Variants in NCBP3 observed in about 807,000 individuals in gnomAD.
NCBP3 encodes the protein nuclear cap binding subunit 3, also known as nuclear cap-binding protein subunit 3.
NCBP3 carries 20 observed loss-of-function variants against 75.7 expected under a neutral mutation model. The ratio of observed to expected loss-of-function variants is 0.26; its 90% CI spans 0.19 to 0.38. The LOEUF is 0.38. Ranked by LOEUF, NCBP3 falls within the 10% of genes least tolerant of loss-of-function variation. The pLI is 1.00. For synonymous variants in NCBP3, 293 were observed against 290.5 expected (o/e 1.01, Z -0.09); for missense variants, 678 against 796.9 (o/e 0.85, Z 1.80).
chr17:3,813,240 T>C lies in NCBP3; in HGVS notation c.1667A>G (p.Lys556Arg). Residue 556 changes from lysine (K) to arginine (R), a missense_variant, in exon 13 of 13, where the codon AAA becomes AGA. Lys to Arg is a conservative substitution (Grantham distance 26). This residue lies in a region of NCBP3 where 365 missense variants were observed against 392.7 expected (regional missense o/e 0.93). Coordinates refer to ENST00000389005, the MANE Select transcript of NCBP3 (RefSeq NM_001114118.3). Reference sequence around the variant, plus strand: ...ATCCACTTTCTTCGTATTCTTTTCTTTGGTCTTGGGTGCAGATCCTAGGCG... The same window carrying C: ...ATCCACTTTCTTCGTATTCTTTTCTCTGGTCTTGGGTGCAGATCCTAGGCG... ...WTRLGSAPKTKEKNTKKVDHR... is the reference protein window; with the variant it reads ...WTRLGSAPKTREKNTKKVDHR... The C allele has an allele frequency of 1.2e-6, 2 of 1,614,248 alleles. No homozygotes were observed. The highest frequency in any genetic ancestry group is 1.1e-5 in the South Asian group (1 of 91,084).
chr17:3,813,005 T>A lies in NCBP3; in HGVS notation c.*39A>T. ...CTGCGCGCCCCACCCTGTGCAAGAA[T>A]GTCAGGCTTTAGGGCAGCTGCCATA... On this transcript the variant is annotated 3_prime_UTR_variant, in exon 13 of 13. Coordinates refer to ENST00000389005, the MANE Select transcript of NCBP3 (RefSeq NM_001114118.3). 1 of 1,612,526 alleles carries A rather than the reference T, an allele frequency of 6.2e-7. No homozygotes were observed. The highest frequency in any genetic ancestry group is 8.5e-7 in the Non-Finnish European group (1 of 1,179,188).
At chr17:3,833,397 C>T (rs2053918680) in intron 3 of NCBP3, among the ~76,000 whole-genome samples, 1 of 152,206 alleles carries the variant, frequency 6.6e-6, no homozygotes, top group Non-Finnish European at 1.5e-5. Context: ...GTGTGCACCA[C>T]TGCACCCAGC....
chr17:3,844,622 G>C (rs147069458), intron 1 of NCBP3, among the ~76,000 whole-genome samples: 1 of 152,296 alleles, frequency 6.6e-6, no homozygotes, highest in Non-Finnish European at 1.5e-5. Flanking sequence ...AGGCAGAGGC[G>C]GGCGGATCAC....
At chr17:3,828,836 G>A (rs2053830258) in intron 4 of NCBP3, among the ~76,000 whole-genome samples, 1 of 152,192 alleles carries the variant, frequency 6.6e-6, no homozygotes, top group South Asian at 2.1e-4. Context: ...CAGAGACACA[G>A]GCAGAGTCAG....
rs1049547778 is a variant in NCBP3 at position 3,808,755 on chromosome 17, G to C, written c.*4289C>G. 3.9e-5 allele frequency: 6 copies of C among 152,176 alleles called. No individual in the cohort carries two copies. Among genetic ancestry groups the C allele is most frequent in the African/African-American group, 1.4e-4 (6 of 41,414 alleles). 9.4% of individuals were successfully genotyped at this position (152,176 alleles called of 1,614,324 possible). A position where few individuals can be genotyped will look rare whatever the true frequency, so the allele number is the denominator to read the frequency against. ...ATGTATGTATGTATTTTTTGAGACA[G>C]GTCTTGCTCTGCTGCCCAGGCTGGA... On this transcript the variant is annotated 3_prime_UTR_variant, in exon 13 of 13. Coordinates refer to ENST00000389005, the MANE Select transcript of NCBP3 (RefSeq NM_001114118.3).
At chr17:3,826,892 G>A (rs1000508038) in intron 4 of NCBP3, among the ~76,000 whole-genome samples, 7 of 151,120 alleles carry the variant, frequency 4.6e-5, no homozygotes, top group South Asian at 2.1e-4. Flanking sequence ...GGGCGCCTGT[G>A]GTCCCAGCTA....
chr17:3,804,687 G>C lies in NCBP3; in HGVS notation c.*8357C>G, dbSNP rs2053318631. On this transcript the variant is annotated 3_prime_UTR_variant, in exon 13 of 13. Transcript: ENST00000389005. ...AGCCAGAAAGAGTGACGGCATTGCT[G>C]AGACCAGAGCCCAGGGCTGCAGAGC... is the stretch of plus-strand genomic sequence containing the variant. 1 of 152,366 alleles carries C rather than the reference G, an allele frequency of 6.6e-6. No individual in the cohort carries two copies. The highest frequency in any genetic ancestry group is 2.1e-4 in the South Asian group (1 of 4,838). The allele number at this position is 152,366 out of a possible 1,614,324, so 9.4% of individuals were successfully genotyped here. A position where few individuals can be genotyped will look rare whatever the true frequency, so the allele number is the denominator to read the frequency against.
intron 3 of NCBP3, 94 bp from the exon 4 acceptor site, chr17:3,829,462 A>C: frequency 2.2e-6 from 3 of 1,346,140 alleles, no homozygotes; most frequent in Admixed American, 2.6e-5. Context: ...AGACAACACG[A>C]GTTTAGAAAG....
intron 4 of NCBP3, among the ~76,000 whole-genome samples, chr17:3,828,286 T>C (rs2053822287): frequency 6.6e-6 from 1 of 152,232 alleles, no homozygotes; most frequent in African/African-American, 2.4e-5. Flanking sequence ...GTATTATTTA[T>C]AGTTGCTTTC....
intron 3 of NCBP3, among the ~76,000 whole-genome samples, chr17:3,838,661 G>T (rs1010561139): frequency 1.3e-5 from 2 of 152,210 alleles, no homozygotes; most frequent in African/African-American, 2.4e-5. Flanking sequence ...TAAGGGCAAG[G>T]CTCTAGAGTC....
At position 3,818,164 on chromosome 17, in the gene NCBP3, A is replaced by G. The variant is rs183797072; in HGVS notation, c.1310+99T>C. ...TAAACTCCTACAAGGGACTGAAATC[A>G]GAATAGATAAAAGATATTATAAAAT... On this transcript the variant is annotated intron_variant, in intron 10 of 12. Coordinates refer to ENST00000389005, the MANE Select transcript of NCBP3 (RefSeq NM_001114118.3). The surrounding 1 kb of genome is among the most constrained non-coding windows in gnomAD (Gnocchi z 4.7). The G allele has an allele frequency of 1.3e-3, 1,319 of 981,752 alleles. 7 individuals are homozygous for G. The African/African-American group carries it at 0.02, about 15-fold the overall frequency. 60.8% of individuals were successfully genotyped at this position (981,752 alleles called of 1,614,324 possible).
intron 3 of NCBP3, among the ~76,000 whole-genome samples, chr17:3,836,210 C>T (rs1015785510): frequency 6.6e-6 from 1 of 152,146 alleles, no homozygotes; most frequent in Non-Finnish European, 1.5e-5. Flanking sequence ...TCCTCACTTG[C>T]CCAAGAAGCT....
At chr17:3,819,183 T>C (rs1373278930) in intron 9 of NCBP3, among the ~76,000 whole-genome samples, 1 of 152,194 alleles carries the variant, frequency 6.6e-6, no homozygotes, top group Non-Finnish European at 1.5e-5. Context: ...AGGTAAGGCA[T>C]TCAGGCATGA....
At chr17:3,826,403 T>C (rs1327454640) in intron 4 of NCBP3, among the ~76,000 whole-genome samples, 188 bp from the exon 5 acceptor site, 1 of 151,990 alleles carries the variant, frequency 6.6e-6, no homozygotes, top group African/African-American at 2.4e-5. Flanking sequence ...CCCCAGTACT[T>C]TGGGAGGCCA....
At position 3,805,787 on chromosome 17, in the gene NCBP3, T is replaced by C. The variant is rs113364605; in HGVS notation, c.*7257A>G. 7,497 of 152,292 alleles carry C rather than the reference T, an allele frequency of 0.049. 272 individuals carry two copies. Among genetic ancestry groups the C allele is most frequent in the Admixed American group, 0.095 (1,453 of 15,284 alleles). 9.4% of individuals were successfully genotyped at this position (152,292 alleles called of 1,614,324 possible). ...AGAGCAAGGATCCTTGAACACGCGT[T>C]AGCACTAGAAGGAAACTGGAGCTCA... On this transcript the variant is annotated 3_prime_UTR_variant, in exon 13 of 13. Transcript: ENST00000389005.
At chr17:3,837,678 G>A (rs1412264190) in intron 3 of NCBP3, among the ~76,000 whole-genome samples, 1 of 149,538 alleles carries the variant, frequency 6.7e-6, no homozygotes, top group Non-Finnish European at 1.5e-5. Context: ...AGGTTGCAGT[G>A]AGCCGAGATT....
At chr17:3,817,034 CA>C (rs113725373) in intron 10 of NCBP3, among the ~76,000 whole-genome samples, 57 of 142,320 alleles carry the variant, frequency 4.0e-4, no homozygotes, top group Admixed American at 5.6e-4. Context: ...GACTCCGTCT[CA>C]AAAAAAAAAA....
chr17:3,819,468 G>C (rs1002111484), intron 9 of NCBP3, among the ~76,000 whole-genome samples: 4 of 151,958 alleles, frequency 2.6e-5, no homozygotes, highest in African/African-American at 9.7e-5. Flanking sequence ...GCTGAGGTAG[G>C]AGAATGGCGT....
chr17:3,824,312 T>C (rs1039452638), intron 7 of NCBP3: 1 of 151,998 alleles, frequency 6.6e-6, no homozygotes, highest in Non-Finnish European at 1.5e-5. Context: ...TATGTGTATA[T>C]GTGTATAATA....
Sources: gnomAD v4.1 joint callset for allele counts (sites outside exome capture counted in the v4.1 genomes callset) on GRCh38, gnomAD v4.1.1 for gene constraint, gnomAD v4.1.1 regional missense constraint, Gnocchi (gnomAD v3.1) non-coding constraint, MANE v1.5 for transcripts, NCBI Gene and HGNC (gene_info 2026-07-23, HGNC 2026-07-21) for gene names.